Variants in PAK1 observed in about 807,000 individuals in gnomAD.
PAK1 encodes p21 (RAC1) activated kinase 1, also known as serine/threonine-protein kinase PAK 1.
PAK1 carries 29 observed loss-of-function variants against 67.4 expected under a neutral mutation model. That is an observed-to-expected ratio of 0.43 (90% CI 0.32 to 0.59). PAK1 has a LOEUF of 0.59. PAK1 is among the 20% of genes least tolerant of loss of function. The probability of loss-of-function intolerance (pLI) is 0.07; values close to 1 mark genes in which losing one functional copy is unlikely to be tolerated. For synonymous variants in PAK1, 223 were observed against 237.4 expected, an observed-to-expected ratio of 0.94 and a Z score of 0.56; for missense variants, 337 against 670.7, an observed-to-expected ratio of 0.50 and a Z score of 5.50.
chr11:77,498,844 G>T, the PAK1 span, among the ~76,000 whole-genome samples: 691 of 151,802 alleles, frequency 4.6e-3, 7 homozygotes, highest in African/African-American at 0.016. Context: ...GGAACTACAG[G>T]CACACGCCAC....
chr11:77,469,557 A>G (rs1339363070), intron 1 of PAK1, among the ~76,000 whole-genome samples: 1 of 152,208 alleles, frequency 6.6e-6, no homozygotes, highest in African/African-American at 2.4e-5. Flanking sequence ...CACAGAGATA[A>G]AAATTACTTC....
intron 14 of PAK1, chr11:77,325,230 C>T: frequency 6.8e-7 from 1 of 1,460,218 alleles, no homozygotes; most frequent in Non-Finnish European, 9.4e-7. Flanking sequence ...GCCCTAAGGG[C>T]TTCCAGTTGT....
the PAK1 span, among the ~76,000 whole-genome samples, chr11:77,528,448 C>T: frequency 1.3e-5 from 2 of 151,654 alleles, no homozygotes; most frequent in African/African-American, 4.8e-5. Flanking sequence ...CAGCCTCAAA[C>T]TTCTGGGCTC....
chr11:77,322,903 A>T lies in PAK1; in HGVS notation c.*371T>A, dbSNP rs1938736355. 5.4e-6 allele frequency: 3 copies of T among 558,568 alleles called. No homozygotes were observed. In the South Asian group the frequency reaches 7.3e-5, roughly 14 times the overall value. The allele number at this position is 558,568 out of a possible 1,614,324, so 34.6% of individuals were successfully genotyped here. ...AATCTCAATTGATTACAAATTGATA[A>T]TATTATCAAACCATAAATTTATATA... On this transcript the variant is annotated 3_prime_UTR_variant, in exon 15 of 15. Transcript: ENST00000356341.
intron 14 of PAK1, among the ~76,000 whole-genome samples, chr11:77,324,776 C>CACACACAG (rs1555136259): frequency 1.0e-4 from 13 of 126,822 alleles, no homozygotes; most frequent in African/African-American, 4.0e-4. Flanking sequence ...CACACACACA[C>CACACACAG]AGAGAGAGAG....
chr11:77,433,688 A>G (rs1353587433), intron 1 of PAK1, among the ~76,000 whole-genome samples: 1 of 152,232 alleles, frequency 6.6e-6, no homozygotes, highest in Non-Finnish European at 1.5e-5. Context: ...CTGAGGCAGG[A>G]GAATCGCTTG....
chr11:77,396,941 C>T (rs1000444224), intron 1 of PAK1: 1 of 152,178 alleles, frequency 6.6e-6, no homozygotes, highest in Non-Finnish European at 1.5e-5. Flanking sequence ...CATTTTAAAA[C>T]CTGTACCATT....
intron 1 of PAK1, among the ~76,000 whole-genome samples, chr11:77,469,950 T>A (rs2135561600): frequency 6.6e-6 from 1 of 152,286 alleles, no homozygotes; most frequent in South Asian, 2.1e-4. Context: ...TTCTTTATCA[T>A]AAACAGTCAA....
the PAK1 span, among the ~76,000 whole-genome samples, chr11:77,524,898 T>C: frequency 6.6e-6 from 1 of 152,226 alleles, no homozygotes; most frequent in Admixed American, 6.5e-5. Context: ...CAAGAAGGCT[T>C]ATATCCAAAC....
chr11:77,416,600 GAAT>G (rs1171834367), intron 1 of PAK1, among the ~76,000 whole-genome samples: 2 of 152,088 alleles, frequency 1.3e-5, no homozygotes, highest in African/African-American at 2.4e-5. Flanking sequence ...ACAACAAAAA[GAAT>G]AATAAATATA....
chr11:77,402,831 A>C lies in PAK1; in HGVS notation c.-21-10290T>G, dbSNP rs191609625. Among the ~76,000 whole-genome samples the C allele has an allele frequency of 5.6e-4, 86 of 152,348 alleles. 1 individual carries two copies. The highest frequency in any genetic ancestry group is 3.4e-3 in the Middle Eastern group (1 of 294). On this transcript the variant is annotated intron_variant, in intron 1 of 14. Coordinates refer to ENST00000356341, the MANE Select transcript of PAK1 (RefSeq NM_002576.5). ...ACAGTCCTCCCACCTCTAAAAGGTA[A>C]TTAGGACTAAATCAATCAATCAGTC...
Position 77,434,889 on chromosome 11 carries a change from G to A in PAK1, c.-22+38663C>T, listed in dbSNP as rs77821530. ...CTACCTCGGCCTCTCAAAGTGGTGGGATTACAGACATAAGCCACCAGGCCT... is the reference window on the plus strand; with the variant it reads ...CTACCTCGGCCTCTCAAAGTGGTGGAATTACAGACATAAGCCACCAGGCCT... On this transcript the variant is annotated intron_variant, in intron 1 of 14. Transcript: ENST00000356341. Among the ~76,000 whole-genome samples the A allele has an allele frequency of 2.3e-4, 35 of 152,174 alleles. 1 individual carries two copies. The East Asian group carries it at 5.2e-3, about 23-fold the overall frequency.
At chr11:77,325,243 T>C in intron 14 of PAK1, 5 of 1,541,006 alleles carry the variant, frequency 3.2e-6, no homozygotes, top group Non-Finnish European at 4.4e-6. Context: ...CCAGTTGTGA[T>C]ACTCTTTGAG....
At chr11:77,358,796 A>G (rs1946385519) in intron 6 of PAK1, 102 bp downstream of exon 6, 1 of 1,140,596 alleles carries the variant, frequency 8.8e-7, no homozygotes, top group African/African-American at 1.5e-5. Context: ...AAATCTAAGG[A>G]CGCCTACCAG....
chr11:77,393,141 T>G (rs1183324370), intron 1 of PAK1, among the ~76,000 whole-genome samples: 1 of 151,888 alleles, frequency 6.6e-6, no homozygotes, highest in Non-Finnish European at 1.5e-5. Flanking sequence ...CAGAGTTCAG[T>G]AGTTGCAACA....
At chr11:77,379,115 G>A (rs1335361510) in intron 4 of PAK1, 126 bp downstream of exon 4, 14 of 806,648 alleles carry the variant, frequency 1.7e-5, no homozygotes, top group Admixed American at 5.2e-5. Flanking sequence ...AAAATTCCAC[G>A]TTAAAGTGCC....
intron 2 of PAK1, 31 bp downstream of exon 2, chr11:77,392,300 T>C (rs1181118212): frequency 3.4e-6 from 5 of 1,449,468 alleles, no homozygotes; most frequent in Middle Eastern, 2.2e-4. Flanking sequence ...TTAAAGCATA[T>C]AAATGATGAG....
At chr11:77,388,697 C>T (rs1950762062) in intron 2 of PAK1, among the ~76,000 whole-genome samples, 1 of 152,180 alleles carries the variant, frequency 6.6e-6, no homozygotes, top group African/African-American at 2.4e-5. Context: ...ATGCCTACTG[C>T]TCTCTCTCCT....
chr11:77,470,464 C>T (rs1026033282), intron 1 of PAK1, among the ~76,000 whole-genome samples: 1 of 152,116 alleles, frequency 6.6e-6, no homozygotes, highest in Non-Finnish European at 1.5e-5. Flanking sequence ...AACATCCTGC[C>T]CAGCACAGGG....
Sources: gnomAD v4.1 joint callset for allele counts (sites outside exome capture counted in the v4.1 genomes callset) on GRCh38, gnomAD v4.1.1 for gene constraint, MANE v1.5 for transcripts, NCBI Gene and HGNC (gene_info 2026-07-23, HGNC 2026-07-21) for gene names.